Variants in EXT2 observed in about 807,000 individuals in gnomAD.
The protein encoded by EXT2 is exostosin glycosyltransferase 2.
Under a neutral mutation model 81.6 loss-of-function variants are expected in EXT2, and 53 were observed. That is an observed-to-expected ratio of 0.65 (90% CI 0.52 to 0.82). EXT2 has a LOEUF of 0.82. Ranked by LOEUF, EXT2 falls within the 40% of genes least tolerant of loss-of-function variation. The pLI is 0.00. For synonymous variants in EXT2, 320 were observed against 340.0 expected (o/e 0.94, Z 0.65); for missense variants, 774 against 910.2 (o/e 0.85, Z 1.93).
In EXT2 at chr11:44,144,644, C is replaced by T. The variant is rs116944943; in HGVS notation, c.1173+14506C>T. Among the ~76,000 whole-genome samples the T allele has an allele frequency of 8.5e-5, 13 of 152,270 alleles. No individual in the cohort carries two copies. The East Asian group carries it at 2.3e-3, about 27-fold the overall frequency. ...ATTGACATATTTGAAGGTGATACCCCTGAGACTTGAAACCTAGGGCTTTCT... is the reference window on the plus strand; with the variant it reads ...ATTGACATATTTGAAGGTGATACCCTTGAGACTTGAAACCTAGGGCTTTCT... On this transcript the variant is annotated intron_variant, in intron 7 of 13. Coordinates refer to ENST00000533608, the MANE Select transcript of EXT2 (RefSeq NM_207122.2).
chr11:44,190,980 G>A (rs979707028), intron 8 of EXT2, among the ~76,000 whole-genome samples: 1 of 152,190 alleles, frequency 6.6e-6, no homozygotes, highest in African/African-American at 2.4e-5. Context: ...TCCTGAAGGG[G>A]AAACCCCTTT....
intron 12 of EXT2, 90 bp downstream of exon 12, chr11:44,234,333 A>C: frequency 1.6e-6 from 2 of 1,256,810 alleles, no homozygotes; most frequent in Non-Finnish European, 2.3e-6. Flanking sequence ...TAAATTAAAT[A>C]TAGGACTAGA....
chr11:44,238,715 T>C (rs1355121000), intron 13 of EXT2, among the ~76,000 whole-genome samples: 1 of 152,208 alleles, frequency 6.6e-6, no homozygotes, highest in Admixed American at 6.5e-5. Context: ...CTTGAAGTGA[T>C]CCTTCAAAAA....
At chr11:44,112,137 C>T (rs571458512) in intron 3 of EXT2, among the ~76,000 whole-genome samples, 2 of 152,306 alleles carry the variant, frequency 1.3e-5, no homozygotes, top group East Asian at 3.9e-4. Context: ...AAAGGACAAA[C>T]TTGCAGCCTC....
intron 1 of EXT2, among the ~76,000 whole-genome samples, chr11:44,106,591 G>A (rs2134962267): frequency 6.6e-6 from 1 of 152,232 alleles, no homozygotes; most frequent in South Asian, 2.1e-4. Context: ...AGTACATGAT[G>A]GGTGCTCAAT....
intron 7 of EXT2, among the ~76,000 whole-genome samples, chr11:44,138,955 C>G (rs959626440): frequency 2.0e-5 from 3 of 152,142 alleles, no homozygotes; most frequent in Non-Finnish European, 2.9e-5. Flanking sequence ...TTAGAAGGAG[C>G]CTCCAAGGAA....
At chr11:44,156,121 T>C (rs1287477762) in intron 7 of EXT2, among the ~76,000 whole-genome samples, 1 of 152,184 alleles carries the variant, frequency 6.6e-6, no homozygotes, top group Non-Finnish European at 1.5e-5. Flanking sequence ...TATATGTTAT[T>C]TGTTTCTTTT....
chr11:44,188,619 A>G (rs950197082), intron 8 of EXT2, among the ~76,000 whole-genome samples: 1 of 152,330 alleles, frequency 6.6e-6, no homozygotes, highest in African/African-American at 2.4e-5. Context: ...TAAGTGTCTG[A>G]GGACAATTAG....
At chr11:44,189,954 G>A (rs962370628) in intron 8 of EXT2, among the ~76,000 whole-genome samples, 5 of 152,138 alleles carry the variant, frequency 3.3e-5, no homozygotes, top group Admixed American at 2.0e-4. Context: ...GAGGTTTAAT[G>A]GTTAAGGCAA....
chr11:44,159,099 T>C (rs2135100899), intron 7 of EXT2, among the ~76,000 whole-genome samples: 1 of 151,018 alleles, frequency 6.6e-6, no homozygotes, highest in South Asian at 2.1e-4. Flanking sequence ...TTCTTAACAT[T>C]TTTAGGGTTT....
At chr11:44,171,153 G>C (rs1955067364) in intron 7 of EXT2, among the ~76,000 whole-genome samples, 2 of 152,178 alleles carry the variant, frequency 1.3e-5, no homozygotes, top group African/African-American at 4.8e-5. Context: ...GTTATTCTTA[G>C]AGGGATGAGA....
chr11:44,228,708 C>T (rs1955864965), intron 10 of EXT2, among the ~76,000 whole-genome samples: 1 of 152,146 alleles, frequency 6.6e-6, no homozygotes, highest in Non-Finnish European at 1.5e-5. Flanking sequence ...ACCTCTGATG[C>T]CTTTTAGAGC....
At chr11:44,125,782 G>A (rs1954393725) in intron 5 of EXT2, among the ~76,000 whole-genome samples, 1 of 151,986 alleles carries the variant, frequency 6.6e-6, no homozygotes. Flanking sequence ...TGGTAACAGT[G>A]GTGATGAGGG....
intron 8 of EXT2, among the ~76,000 whole-genome samples, chr11:44,172,285 G>A (rs1955087375): frequency 6.6e-6 from 1 of 152,178 alleles, no homozygotes; most frequent in Admixed American, 6.5e-5. Flanking sequence ...GCAAAGAGAT[G>A]GAGCAGTCAG....
chr11:44,172,751 T>C (rs1955095015), intron 8 of EXT2, among the ~76,000 whole-genome samples: 1 of 152,004 alleles, frequency 6.6e-6, no homozygotes, highest in Non-Finnish European at 1.5e-5. Context: ...GCCCAGCTAA[T>C]TTTTTTATTT....
chr11:44,233,941 G>T (rs1248029486), intron 11 of EXT2, among the ~76,000 whole-genome samples, 174 bp from the exon 12 acceptor site: 1 of 152,062 alleles, frequency 6.6e-6, no homozygotes, highest in Non-Finnish European at 1.5e-5. Context: ...AACATGCTTG[G>T]TCACTTGACC....
At chr11:44,192,624 T>G (rs1382248575) in intron 8 of EXT2, among the ~76,000 whole-genome samples, 1 of 152,144 alleles carries the variant, frequency 6.6e-6, no homozygotes, top group Non-Finnish European at 1.5e-5. Flanking sequence ...GATCCTGTGT[T>G]GAGCCCTCTG....
At chr11:44,097,785 TA>T (rs1953922282) in intron 1 of EXT2, among the ~76,000 whole-genome samples, 1 of 147,508 alleles carries the variant, frequency 6.8e-6, no homozygotes, top group African/African-American at 2.5e-5. Context: ...AATAAATAAA[TA>T]AATAAATAAA....
chr11:44,153,937 A>AT (rs1021084030), intron 7 of EXT2, among the ~76,000 whole-genome samples: 12 of 148,798 alleles, frequency 8.1e-5, no homozygotes, highest in Non-Finnish European at 1.8e-4. Context: ...TTTTTTTAGA[A>AT]TTTTTTGCTT....
Sources: gnomAD v4.1 joint callset for allele counts (sites outside exome capture counted in the v4.1 genomes callset) on GRCh38, gnomAD v4.1.1 for gene constraint, MANE v1.5 for transcripts, NCBI Gene and HGNC (gene_info 2026-07-23, HGNC 2026-07-21) for gene names.